ACCSL: variants seen among roughly 807,000 people sequenced by gnomAD.
ACCSL encodes the protein 1-aminocyclopropane-1-carboxylate synthase homolog (inactive) like.
ACCSL carries 55 observed loss-of-function variants against 61.7 expected under a neutral mutation model. The ratio of observed to expected loss-of-function variants is 0.89; its 90% CI spans 0.72 to 1.12. ACCSL has a LOEUF of 1.12. ACCSL is among the 50% of genes most tolerant of loss of function. The pLI, the probability that ACCSL is intolerant of heterozygous loss-of-function variation, is 0.00. For synonymous variants in ACCSL, 258 were observed against 264.3 expected, an observed-to-expected ratio of 0.98 and a Z score of 0.23; for missense variants, 632 against 698.0, an observed-to-expected ratio of 0.91 and a Z score of 1.07.
chr11:44,055,849 G>A (rs1952667696), intron 9 of ACCSL, among the ~76,000 whole-genome samples, 191 bp from the exon 10 acceptor site: 1 of 152,260 alleles, frequency 6.6e-6, no homozygotes, highest in Non-Finnish European at 1.5e-5. Flanking sequence ...CTTGGGTTCT[G>A]TGCCCTCTAG....
At chr11:43,935,737 C>T in the ACCSL span, among the ~76,000 whole-genome samples, 1,127 of 152,332 alleles carry the variant, frequency 7.4e-3, 10 homozygotes, top group Non-Finnish European at 0.012. Context: ...AAGTGATCCT[C>T]TAGCCTCAGA....
At chr11:44,014,363 C>T in the ACCSL span, among the ~76,000 whole-genome samples, 1 of 152,114 alleles carries the variant, frequency 6.6e-6, no homozygotes, top group Non-Finnish European at 1.5e-5. Context: ...GGCGGCGATG[C>T]CTCATCGGCT....
At chr11:43,987,770 T>A in the ACCSL span, among the ~76,000 whole-genome samples, 3 of 152,074 alleles carry the variant, frequency 2.0e-5, no homozygotes, top group East Asian at 5.8e-4. Context: ...CCGAATCTCT[T>A]CCCAGTATAA....
chr11:43,988,259 T>C, the ACCSL span, among the ~76,000 whole-genome samples: 1 of 152,064 alleles, frequency 6.6e-6, no homozygotes, highest in African/African-American at 2.4e-5. Flanking sequence ...CTGCCTGGAG[T>C]GCCCACACCA....
chr11:43,943,380 C>A, the ACCSL span: 11 of 1,399,572 alleles, frequency 7.9e-6, no homozygotes, highest in African/African-American at 1.4e-4. The surrounding 1 kb of genome is among the most constrained non-coding windows in gnomAD (Gnocchi z 4.8). Flanking sequence ...CGCAAGGACC[C>A]GGGACCGCCG....
At chr11:43,926,997 A>G in the ACCSL span, among the ~76,000 whole-genome samples, 1 of 152,180 alleles carries the variant, frequency 6.6e-6, no homozygotes, top group Non-Finnish European at 1.5e-5. Flanking sequence ...TCCGCCCCCC[A>G]TCGGCCTCCC....
the ACCSL span, among the ~76,000 whole-genome samples, chr11:43,976,724 AG>A: frequency 6.6e-6 from 1 of 152,152 alleles, no homozygotes; most frequent in African/African-American, 2.4e-5. Context: ...CAGGCCTGGA[AG>A]GGGTGCCCTT....
At chr11:44,027,556 CT>C in the ACCSL span, among the ~76,000 whole-genome samples, 9 of 152,208 alleles carry the variant, frequency 5.9e-5, no homozygotes, top group Non-Finnish European at 1.5e-5. Flanking sequence ...ATGTTAATTC[CT>C]TTCCCCTCCT....
At chr11:44,012,900 C>G in the ACCSL span, among the ~76,000 whole-genome samples, 3 of 152,208 alleles carry the variant, frequency 2.0e-5, no homozygotes. Flanking sequence ...CAACAACGTT[C>G]CTTCTTGGTG....
rs201604433 is a variant in ACCSL, at chr11:44,048,334, G to C, written c.298G>C (p.Asp100His). ...GCTCCAAGTGCCTCTTCCTTCTGAG[G>C]ACTCTAGGGGTGATGTCAGATATGG... ...LELQVPLPSE[D>H]SRGDVRYGQR... is the part of the protein sequence containing the mutation. The change falls in exon 1 of 14, where the codon GAC becomes CAC. Residue 100 changes from aspartate to histidine, a missense_variant. Physicochemically the swap from Asp to His is moderately conservative, Grantham distance 81. Coordinates refer to ENST00000378832, the MANE Select transcript of ACCSL (RefSeq NM_001031854.2). 1 of 1,614,024 alleles carries C rather than the reference G, an allele frequency of 6.2e-7. No homozygotes were observed. Among genetic ancestry groups the C allele is most frequent in the South Asian group, 1.1e-5 (1 of 91,076 alleles).
the ACCSL span, among the ~76,000 whole-genome samples, chr11:43,989,104 C>T: frequency 2.0e-5 from 3 of 152,262 alleles, no homozygotes; most frequent in South Asian, 2.1e-4. Flanking sequence ...CTAACAGTGG[C>T]GTTTAGGGCA....
chr11:44,053,191 T>A, intron 7 of ACCSL, 123 bp downstream of exon 7: 3 of 933,310 alleles, frequency 3.2e-6, no homozygotes, highest in Non-Finnish European at 5.0e-6. Context: ...GAAGAGACAG[T>A]AAATGATCCA....
At chr11:44,001,571 G>A in the ACCSL span, among the ~76,000 whole-genome samples, 9 of 152,142 alleles carry the variant, frequency 5.9e-5, no homozygotes, top group East Asian at 1.5e-3. Context: ...GCAGAGTCTG[G>A]CCTCGGCGTG....
the ACCSL span, among the ~76,000 whole-genome samples, chr11:43,929,300 GC>G: frequency 6.6e-6 from 1 of 152,172 alleles, no homozygotes; most frequent in Non-Finnish European, 1.5e-5. Flanking sequence ...GCTCACTGCA[GC>G]CTTAATCTCC....
chr11:43,931,171 C>T, the ACCSL span, among the ~76,000 whole-genome samples: 2 of 152,228 alleles, frequency 1.3e-5, no homozygotes, highest in Admixed American at 1.3e-4. Flanking sequence ...GTCATGAGCC[C>T]AGCTGCTGGA....
chr11:44,051,173 T>C (rs1456300215), intron 3 of ACCSL, among the ~76,000 whole-genome samples, 162 bp from the exon 4 acceptor site: 1 of 152,158 alleles, frequency 6.6e-6, no homozygotes, highest in East Asian at 1.9e-4. Context: ...CTCTCATTTA[T>C]TGTCTGTGTG....
At chr11:44,040,201 T>C in the ACCSL span, among the ~76,000 whole-genome samples, 1 of 152,198 alleles carries the variant, frequency 6.6e-6, no homozygotes, top group African/African-American at 2.4e-5. Context: ...CAGTAGCTCA[T>C]TTGTGTTTTA....
At chr11:43,922,117 A>G in the ACCSL span, 1 of 152,260 alleles carries the variant, frequency 6.6e-6, no homozygotes, top group African/African-American at 2.4e-5. Context: ...GCATGAAGAA[A>G]AACAGGTTTC....
chr11:43,931,321 G>C, the ACCSL span, among the ~76,000 whole-genome samples: 1 of 152,120 alleles, frequency 6.6e-6, no homozygotes, highest in African/African-American at 2.4e-5. Context: ...TCCCCTCCAT[G>C]CCCCACCGCA....
Sources: allele counts gnomAD v4.1 joint callset (sites outside exome capture counted in the v4.1 genomes callset), GRCh38; gene constraint gnomAD v4.1.1; non-coding constraint Gnocchi (gnomAD v3.1); transcripts MANE v1.5; gene names NCBI Gene and HGNC (gene_info 2026-07-23, HGNC 2026-07-21).